The following UQCRC2 variants were observed in gnomAD, a reference collection of about 807,000 sequenced individuals.
UQCRC2 encodes the protein cytochrome b-c1 complex subunit 2, mitochondrial.
A neutral mutation model predicts 55.6 loss-of-function variants in UQCRC2; 49 were observed. That is an observed-to-expected ratio of 0.88 (90% confidence interval 0.70 to 1.12). The LOEUF is 1.12. Ranked by LOEUF, UQCRC2 falls within the 50% of genes most tolerant of loss-of-function variation. The pLI is 0.00. For missense variants in UQCRC2, 506 were observed against 547.8 expected (o/e 0.92, Z 0.76); for synonymous variants, 193 against 192.0 (o/e 1.01, Z -0.04).
intron 1 of UQCRC2, 133 bp downstream of exon 1, chr16:21,953,589 A>G (rs1167665708): frequency 2.6e-6 from 3 of 1,144,966 alleles, no homozygotes; most frequent in East Asian, 5.2e-5. Flanking sequence ...CTGCGGGCCA[A>G]GTGGGCTGCA....
chr16:21,958,631 A>C (rs751930595), intron 4 of UQCRC2, 32 bp downstream of exon 4: 1 of 1,571,340 alleles, frequency 6.4e-7, no homozygotes, highest in Non-Finnish European at 8.7e-7. Context: ...AAATAGTGAA[A>C]ATGCCAGAAA....
At chr16:21,962,733 A>G (rs756701863) in intron 5 of UQCRC2, 28 bp from the exon 6 acceptor site, 4 of 1,613,728 alleles carry the variant, frequency 2.5e-6, no homozygotes, top group East Asian at 2.2e-5. Flanking sequence ...TTTTTGACTC[A>G]TAATTCTTAT....
intron 5 of UQCRC2, 103 bp from the exon 6 acceptor site, chr16:21,962,658 A>G (rs986587255): frequency 7.5e-6 from 12 of 1,594,648 alleles, no homozygotes; most frequent in Non-Finnish European, 9.4e-6. Flanking sequence ...ACTGCTTACC[A>G]CAAGACCTAA....
At chr16:21,980,372 T>C in intron 12 of UQCRC2, 175 bp from the exon 13 acceptor site, 1 of 692,514 alleles carries the variant, frequency 1.4e-6, no homozygotes. Context: ...CTTACTGTTT[T>C]AGTATGTTCC....
At chr16:21,962,426 C>G (rs1028065038) in intron 4 of UQCRC2, 34 bp from the exon 5 acceptor site, 1 of 1,612,350 alleles carries the variant, frequency 6.2e-7, no homozygotes, top group Non-Finnish European at 8.5e-7. Context: ...TATCCTGATT[C>G]AGATGATTTA....
intron 1 of UQCRC2, among the ~76,000 whole-genome samples, chr16:21,954,330 G>T (rs1345994435): frequency 6.6e-6 from 1 of 152,160 alleles, no homozygotes; most frequent in Non-Finnish European, 1.5e-5. Flanking sequence ...TACCTGTGTT[G>T]AGAAACCCCC....
chr16:21,965,251 G>A (rs1262812564), intron 6 of UQCRC2, among the ~76,000 whole-genome samples, 157 bp from the exon 7 acceptor site: 1 of 152,204 alleles, frequency 6.6e-6, no homozygotes, highest in East Asian at 1.9e-4. Context: ...GAAACTGGCA[G>A]TTACTAGAGG....
intron 7 of UQCRC2, 104 bp from the exon 8 acceptor site, chr16:21,968,524 A>C: frequency 1.7e-5 from 16 of 925,176 alleles, no homozygotes; most frequent in Non-Finnish European, 2.2e-5. Context: ...AGCAACTTAT[A>C]AGGCCTTATA....
intron 11 of UQCRC2, 69 bp from the exon 12 acceptor site, chr16:21,976,095 AAAG>A (rs1468169444): frequency 8.6e-6 from 9 of 1,048,414 alleles, no homozygotes; most frequent in Middle Eastern, 2.0e-4. Context: ...TTGCCTCAGT[AAAG>A]AAGTGTGTCA....
At chr16:21,980,438 A>T in intron 12 of UQCRC2, 109 bp from the exon 13 acceptor site, 1 of 1,160,388 alleles carries the variant, frequency 8.6e-7, no homozygotes, top group Non-Finnish European at 1.2e-6. Flanking sequence ...ACACGCTGTT[A>T]CTCTATCCAT....
intron 6 of UQCRC2, among the ~76,000 whole-genome samples, chr16:21,965,095 G>A (rs541245415): frequency 2.0e-5 from 3 of 152,246 alleles, no homozygotes; most frequent in Admixed American, 2.0e-4. Context: ...ATAACTAGAT[G>A]GGGACTTCCC....
At chr16:21,981,920 A>G (rs538072458) in intron 13 of UQCRC2, among the ~76,000 whole-genome samples, 1 of 149,394 alleles carries the variant, frequency 6.7e-6, no homozygotes, top group African/African-American at 2.5e-5. Context: ...GGCTCAGTAC[A>G]ACCTCCGCCT....
In UQCRC2 at chr16:21,962,431, G is replaced by T. The variant is rs766678249; in HGVS notation, c.333-29G>T. The T allele has an allele frequency of 9.3e-6, 15 of 1,613,132 alleles. No homozygotes were observed. In the Admixed American group the frequency reaches 2.5e-4, roughly 27 times the overall value. On this transcript the variant is annotated intron_variant, in intron 4 of 13. Transcript: ENST00000268379. ...GAAAGCTTACTATCCTGATTCAGAT[G>T]ATTTACTCTAGTTTATTTTCCGATT...
rs774204551 is a variant in UQCRC2 at position 21,957,512 on chromosome 16, T to C, written c.213T>C (p.Tyr71=). The change falls in exon 3 of 14, where the codon TAT becomes TAC. Residue 71 remains tyrosine, a synonymous_variant. Transcript: ENST00000268379. ...TGTTCATTAAAGCAGGCAGTAGATA[T>C]GAGGACTTCAGCAATTTAGGAACCA... The part of the protein sequence containing the change: ...IGLFIKAGSR[Y]EDFSNLGTTH... 7 of 1,614,216 alleles carry C rather than the reference T, an allele frequency of 4.3e-6. No individual in the cohort carries two copies. The highest frequency in any genetic ancestry group is 4.2e-6 in the Non-Finnish European group (5 of 1,180,034).
rs267604456 is a variant in UQCRC2 at position 21,962,810 on chromosome 16, C to T, written c.439C>T (p.Arg147Cys). ...CAATGTCACCACAGCACCAGAATTT[C>T]GTCGTTGGGAAGTAGCTGACCTTCA... is the stretch of plus-strand genomic sequence containing the variant. ...LLNVTTAPEFRRWEVADLQPQ... is the reference protein window; with the variant it reads ...LLNVTTAPEFCRWEVADLQPQ... The change falls in exon 6 of 14, where the codon CGT becomes TGT. Residue 147 changes from arginine (R) to cysteine (C), a missense_variant. Transcript: ENST00000268379. 6.2e-6 allele frequency: 10 copies of T among 1,613,976 alleles called. No homozygotes were observed. The highest frequency in any genetic ancestry group is 1.3e-5 in the African/African-American group (1 of 74,892).
intron 3 of UQCRC2, 141 bp downstream of exon 3, chr16:21,957,707 C>G: frequency 8.0e-7 from 1 of 1,253,306 alleles, no homozygotes; most frequent in Non-Finnish European, 1.1e-6. Context: ...TAGCTTAAAC[C>G]AAATAAGTTT....
intron 10 of UQCRC2, among the ~76,000 whole-genome samples, chr16:21,972,780 AG>A (rs1199623438): frequency 6.6e-6 from 1 of 152,202 alleles, no homozygotes; most frequent in African/African-American, 2.4e-5. Flanking sequence ...GAGTATAAAT[AG>A]GATGGCCTCA....
intron 1 of UQCRC2, among the ~76,000 whole-genome samples, chr16:21,954,669 T>C (rs1260002809): frequency 3.9e-5 from 6 of 152,212 alleles, no homozygotes; most frequent in African/African-American, 1.4e-4. Context: ...CTTAGATATA[T>C]CTTGTTATTA....
chr16:21,953,607 T>C, intron 1 of UQCRC2, 151 bp downstream of exon 1: 1 of 1,021,880 alleles, frequency 9.8e-7, no homozygotes, highest in East Asian at 2.6e-5. Flanking sequence ...GCAGACTGGG[T>C]CAGGCTTTGG....
Sources: allele counts gnomAD v4.1 joint callset (sites outside exome capture counted in the v4.1 genomes callset), GRCh38; gene constraint gnomAD v4.1.1; transcripts MANE v1.5; gene names NCBI Gene and HGNC (gene_info 2026-07-23, HGNC 2026-07-21).